The following POM121 variants were observed in gnomAD, a reference collection of about 807,000 sequenced individuals.
POM121 encodes POM121 transmembrane nucleoporin, also known as nuclear envelope pore membrane protein POM 121.
A neutral mutation model predicts 81.3 loss-of-function variants in POM121; 32 were observed. That is an observed-to-expected ratio of 0.39 (90% CI 0.30 to 0.53). The LOEUF is 0.53. Among genes scored for constraint, POM121 ranks in the 20% least tolerant of loss-of-function variants. The pLI, the probability that POM121 is intolerant of heterozygous loss-of-function variation, is 0.66. For synonymous variants in POM121, 514 were observed against 694.2 expected, an observed-to-expected ratio of 0.74 and a Z score of 4.08; for missense variants, 1,138 against 1,614.6, an observed-to-expected ratio of 0.70 and a Z score of 5.06.
intron 3 of POM121, among the ~76,000 whole-genome samples, chr7:72,927,245 A>G (rs1431146600): frequency 1.3e-5 from 2 of 152,218 alleles, no homozygotes; most frequent in Non-Finnish European, 2.9e-5. Flanking sequence ...AATGTGTTAA[A>G]GTTTATTTTC....
At chr7:72,912,689 G>A (rs537495689) in intron 3 of POM121, among the ~76,000 whole-genome samples, 71 of 152,254 alleles carry the variant, frequency 4.7e-4, no homozygotes, top group Middle Eastern at 6.8e-3. Context: ...TGAGGCAGGG[G>A]AATCGCTTGA....
chr7:72,879,375 G>T (rs1475730038), exon 1 of POM121: 3 of 183,364 alleles, frequency 1.6e-5, no homozygotes, highest in East Asian at 1.8e-4. Context: ...CGCTTCCTGC[G>T]CCTCTTCAGG....
intron 5 of POM121, among the ~76,000 whole-genome samples, chr7:72,931,997 A>T (rs1470757986): frequency 6.7e-6 from 1 of 150,354 alleles, no homozygotes; most frequent in African/African-American, 2.5e-5. Flanking sequence ...CGGACATGTA[A>T]TCAATATATC....
At chr7:72,922,768 G>T (rs1334911662), upstream of POM121, among the ~76,000 whole-genome samples, 2 of 151,814 alleles carry the variant, frequency 1.3e-5, no homozygotes, top group African/African-American at 4.8e-5. Context: ...TTCATCTCTT[G>T]AACTCTAAAC....
At chr7:72,923,583 C>T (rs1397947100), upstream of POM121, among the ~76,000 whole-genome samples, 2 of 147,894 alleles carry the variant, frequency 1.4e-5, no homozygotes, top group African/African-American at 5.0e-5. Flanking sequence ...CCACCACGCC[C>T]GGCTAATTTT....
intron 4 of POM121, among the ~76,000 whole-genome samples, chr7:72,919,656 A>AT (rs1408686712): frequency 6.6e-6 from 1 of 151,474 alleles, no homozygotes; most frequent in African/African-American, 2.4e-5. Context: ...CTATTTTTGT[A>AT]TTTTTTTTAG....
At chr7:72,884,190 C>T (rs1189316581) in intron 1 of POM121, among the ~76,000 whole-genome samples, 12 of 152,166 alleles carry the variant, frequency 7.9e-5, no homozygotes, top group South Asian at 4.1e-4. Context: ...TGAGCCACCA[C>T]GGCTGGCCTA....
At chr7:72,933,011 C>A (rs1200995754) in intron 5 of POM121, among the ~76,000 whole-genome samples, 1 of 150,964 alleles carries the variant, frequency 6.6e-6, no homozygotes, top group Non-Finnish European at 1.5e-5. Context: ...GAGATAGCGC[C>A]ACTCCACTCC....
chr7:72,946,277 C>T lies in POM121; in HGVS notation c.*43C>T. The T allele has an allele frequency of 6.2e-7, 1 of 1,604,350 alleles. No homozygotes were observed. The highest frequency in any genetic ancestry group is 1.7e-5 in the Admixed American group (1 of 58,696). ...TGTTCCCCCCACCCCTTCCCTAAAT[C>T]TGGACCTTGGCACCTGCTAGGAAGA... is the stretch of plus-strand genomic sequence containing the variant. On this transcript the variant is annotated 3_prime_UTR_variant, in exon 13 of 13. Transcript: ENST00000434423.
chr7:72,898,109 G>A (rs368018650), intron 3 of POM121, among the ~76,000 whole-genome samples: 117 of 152,308 alleles, frequency 7.7e-4, no homozygotes, highest in African/African-American at 2.7e-3. Flanking sequence ...ATGACTCCAG[G>A]ATTTTTGTTA....
Position 72,946,191 on chromosome 7 carries a change from G to A in POM121, c.3707G>A (p.Arg1236Gln), listed in dbSNP as rs782608858. Residue 1236 changes from arginine to glutamine, a missense_variant, in exon 13 of 13, where the codon CGA (arginine) becomes CAA (glutamine). This residue lies in a region of POM121 where 336 missense variants were observed against 344.3 expected (regional missense o/e 0.98). Coordinates refer to ENST00000434423, the MANE Select transcript of POM121 (RefSeq NM_001387691.1). ...IGAGSKTPGARQRLQARRQHT... is the reference protein window; with the variant it reads ...IGAGSKTPGAQQRLQARRQHT... ...GCGGGATCCAAGACCCCAGGGGCTC[G>A]ACAGCGACTGCAGGCCCGAAGGCAG... The A allele has an allele frequency of 9.9e-6, 16 of 1,611,636 alleles. No homozygotes were observed. Among genetic ancestry groups the A allele is most frequent in the Non-Finnish European group, 5.9e-6 (7 of 1,179,750 alleles).
At chr7:72,888,121 T>C (rs1291708452) in intron 1 of POM121, among the ~76,000 whole-genome samples, 1 of 152,182 alleles carries the variant, frequency 6.6e-6, no homozygotes, top group Admixed American at 6.6e-5. Flanking sequence ...GCCTCAGCTT[T>C]CCAGAGTGCT....
At chr7:72,887,511 G>T (rs1300919782) in intron 1 of POM121, among the ~76,000 whole-genome samples, 1 of 152,118 alleles carries the variant, frequency 6.6e-6, no homozygotes, top group Non-Finnish European at 1.5e-5. Context: ...TCTACTGCCT[G>T]ATAATCAGTG....
chr7:72,945,573 C>G lies in POM121; in HGVS notation c.3530-13C>G. On this transcript the variant is annotated splice_polypyrimidine_tract_variant and intron_variant, in intron 11 of 12. Transcript: ENST00000434423. Reference sequence around the variant, plus strand: ...TCTGCTCACTGGCCAGCTCTCTGTTCTCTTCATTCCAGGCACCGCCACCCC... The same window carrying G: ...TCTGCTCACTGGCCAGCTCTCTGTTGTCTTCATTCCAGGCACCGCCACCCC... 1 of 1,613,294 alleles carries G rather than the reference C, an allele frequency of 6.2e-7. No individual in the cohort carries two copies.
At position 72,925,107 on chromosome 7, in the gene POM121, C is replaced by A; in HGVS notation, c.-15C>A. 1 of 1,398,956 alleles carries A rather than the reference C, an allele frequency of 7.1e-7. No homozygotes were observed. Among genetic ancestry groups the A allele is most frequent in the African/African-American group, 1.5e-5 (1 of 65,580 alleles). 86.7% of individuals were successfully genotyped at this position (1,398,956 alleles called of 1,614,324 possible). ...CGCTGGGATATTTAAGTCTCCTCCG[C>A]GGCGCGGAGCCGCGATGTCTCCGGC... is the stretch of plus-strand genomic sequence containing the variant. On this transcript the variant is annotated 5_prime_UTR_variant, in exon 1 of 13. Coordinates refer to ENST00000434423, the MANE Select transcript of POM121 (RefSeq NM_001387691.1).
chr7:72,947,776 CCTT>C lies in POM121; in HGVS notation c.*1545_*1547del. On this transcript the variant is annotated 3_prime_UTR_variant, in exon 13 of 13. Coordinates refer to ENST00000434423, the MANE Select transcript of POM121 (RefSeq NM_001387691.1). The stretch of plus-strand genomic sequence containing the variant: ...GCAGCTTTCCTGGGGGACTAGAGCT[CCTT>C]CTGGCCATGTTATATGAAATGTAAT... 1.3e-6 allele frequency: 1 copy of C among 799,452 alleles called. No individual in the cohort carries two copies. Among genetic ancestry groups the C allele is most frequent in the Non-Finnish European group, 1.5e-6 (1 of 663,592 alleles). The allele number at this position is 799,452 out of a possible 1,614,324, so 49.5% of individuals were successfully genotyped here. A position where few individuals can be genotyped will look rare whatever the true frequency, so the allele number is the denominator to read the frequency against.
intron 1 of POM121, among the ~76,000 whole-genome samples, chr7:72,883,088 G>A (rs1554489538): frequency 6.6e-6 from 1 of 152,132 alleles, no homozygotes; most frequent in Non-Finnish European, 1.5e-5. Context: ...CACCCAGGCT[G>A]GAATGTAGAG....
At chr7:72,922,460 C>T (rs1355622917), upstream of POM121, among the ~76,000 whole-genome samples, 1 of 152,008 alleles carries the variant, frequency 6.6e-6, no homozygotes, top group Non-Finnish European at 1.5e-5. Context: ...GATCTCGGCT[C>T]ACTGCAACCT....
intron 5 of POM121, among the ~76,000 whole-genome samples, chr7:72,935,666 A>C (rs1796442705): frequency 6.6e-6 from 1 of 150,912 alleles, no homozygotes; most frequent in Non-Finnish European, 1.5e-5. Flanking sequence ...GTTTTAGTAG[A>C]GACAGGGTTT....
Sources: gnomAD v4.1 joint callset for allele counts (sites outside exome capture counted in the v4.1 genomes callset) on GRCh38, gnomAD v4.1.1 for gene constraint, gnomAD v4.1.1 regional missense constraint, MANE v1.5 for transcripts, NCBI Gene and HGNC (gene_info 2026-07-23, HGNC 2026-07-21) for gene names.